Variants in MYCBPAP observed in about 807,000 individuals in gnomAD.
The protein encoded by MYCBPAP is MYCBP associated protein, also known as MYCBP-associated protein.
In MYCBPAP, 60 loss-of-function variants were observed where a neutral mutation model predicts 106.1. The observed-to-expected ratio is 0.57, with a 90% CI of 0.46 to 0.70. The LOEUF (loss-of-function observed/expected upper bound fraction) is 0.70, where lower values mean the gene tolerates loss of function less well. MYCBPAP is among the 30% of genes least tolerant of loss of function. The pLI is 0.00. For synonymous variants in MYCBPAP, 407 were observed against 440.6 expected (o/e 0.92, Z 0.95); for missense variants, 1,064 against 1,169.3 (o/e 0.91, Z 1.31).
chr17:50,520,947 G>GTCTT, intron 7 of MYCBPAP, 163 bp from the exon 8 acceptor site: 1 of 602,608 alleles, frequency 1.7e-6, no homozygotes, highest in South Asian at 2.0e-5. Context: ...CTGCTGAGGA[G>GTCTT]GTATAGGACA....
At chr17:50,526,783 A>G (rs1597846861) in intron 14 of MYCBPAP, among the ~76,000 whole-genome samples, 3 of 152,184 alleles carry the variant, frequency 2.0e-5, no homozygotes, top group Admixed American at 1.3e-4. Flanking sequence ...GGGTTTCGCT[A>G]TGTTGGCCAG....
At chr17:50,526,811 G>A (rs946813497) in intron 14 of MYCBPAP, among the ~76,000 whole-genome samples, 5 of 152,218 alleles carry the variant, frequency 3.3e-5, no homozygotes, top group African/African-American at 1.2e-4. Context: ...TCAAACTCCT[G>A]ACCTCGTGAT....
intron 4 of MYCBPAP, among the ~76,000 whole-genome samples, chr17:50,518,126 A>T (rs2034119695): frequency 6.6e-6 from 1 of 152,180 alleles, no homozygotes; most frequent in Admixed American, 6.5e-5. Context: ...AAGATTCTGT[A>T]TCTTTCCAGC....
At chr17:50,508,894 G>T in intron 1 of MYCBPAP, 144 bp downstream of exon 1, 1 of 801,522 alleles carries the variant, frequency 1.2e-6, no homozygotes, top group Non-Finnish European at 2.1e-6. Flanking sequence ...CTGGGCATAG[G>T]ACCCTTAGGG....
chr17:50,529,255 C>T lies in MYCBPAP; in HGVS notation c.2724+67C>T, dbSNP rs115128292. On this transcript the variant is annotated intron_variant, in intron 18 of 18. Transcript: ENST00000323776. ...TGCCTTATTCATTCCGTTCAGTCTG[C>T]AGACAATAAGTGCCCACTCCATCAT... The T allele has an allele frequency of 3.0e-4, 433 of 1,460,960 alleles. 4 individuals are homozygous for T. In the African/African-American group the frequency reaches 5.4e-3, roughly 18 times the overall value. 90.5% of individuals were successfully genotyped at this position (1,460,960 alleles called of 1,614,324 possible).
chr17:50,523,250 G>T, intron 11 of MYCBPAP, 122 bp downstream of exon 11: 1 of 980,574 alleles, frequency 1.0e-6, no homozygotes, highest in African/African-American at 1.6e-5. Context: ...TCCCTGCCTT[G>T]TCCCTCTCAT....
chr17:50,517,531 A>G, intron 3 of MYCBPAP, 64 bp from the exon 4 acceptor site: 1 of 1,613,530 alleles, frequency 6.2e-7, no homozygotes, highest in Non-Finnish European at 8.5e-7. Flanking sequence ...CTCCATCAGA[A>G]AGTTGCCCTC....
At position 50,524,939 on chromosome 17, in the gene MYCBPAP, G is replaced by A. The variant is rs778925154; in HGVS notation, c.1698G>A (p.Met566Ile). ...GCGAAGTGCTGCAGGAGCTGCTGAT[G>A]GGGGTCTTGACCCCGGAGCGCACAC... is the stretch of plus-strand genomic sequence containing the variant. Reference protein sequence around the residue: ...VVREVLQELLMGVLTPERTPS... With the variant: ...VVREVLQELLIGVLTPERTPS... Residue 566 changes from methionine to isoleucine, a missense_variant, in exon 13 of 19, where the codon ATG becomes ATA. Physicochemically the swap from Met to Ile is conservative, Grantham distance 10. Transcript: ENST00000323776. 5.6e-6 allele frequency: 9 copies of A among 1,614,030 alleles called. No homozygotes were observed. The highest frequency in any genetic ancestry group is 7.6e-6 in the Non-Finnish European group (9 of 1,180,006).
intron 1 of MYCBPAP, 189 bp downstream of exon 1, chr17:50,508,939 T>G: frequency 1.4e-6 from 1 of 713,210 alleles, no homozygotes; most frequent in Non-Finnish European, 2.5e-6. Context: ...TACAGCGCAC[T>G]GGGCCTTGGG....
Position 50,509,317 on chromosome 17 carries a change from A to G in MYCBPAP, c.76+567A>G, listed in dbSNP as rs910422832. ...CCTACCACGTGCACTTTCCAGCTGGATGACACTTATCCAGCTCCTTTAGCC... is the reference window on the plus strand; with the variant it reads ...CCTACCACGTGCACTTTCCAGCTGGGTGACACTTATCCAGCTCCTTTAGCC... On this transcript the variant is annotated intron_variant, in intron 1 of 18. Transcript: ENST00000323776. The G allele has an allele frequency of 4.9e-6, 3 of 606,106 alleles. No homozygotes were observed. The African/African-American group carries it at 5.5e-5, about 11-fold the overall frequency. The allele number at this position is 606,106 out of a possible 1,614,324, so 37.5% of individuals were successfully genotyped here. A position where few individuals can be genotyped will look rare whatever the true frequency, so the allele number is the denominator to read the frequency against.
At chr17:50,517,171 A>G in intron 2 of MYCBPAP, 122 bp from the exon 3 acceptor site, 3 of 871,690 alleles carry the variant, frequency 3.4e-6, no homozygotes, top group Non-Finnish European at 5.7e-6. Context: ...ATATGGACAG[A>G]GCTGAAGAAA....
chr17:50,530,452 G>A (rs117544425), intron 18 of MYCBPAP: 8,312 of 150,740 alleles, frequency 0.055, 318 homozygotes, highest in African/African-American at 0.11. Context: ...CCGAGATCAC[G>A]CCATTTCACT....
intron 1 of MYCBPAP, chr17:50,510,566 C>T (rs1392178840): frequency 7.0e-6 from 1 of 143,724 alleles, no homozygotes; most frequent in Non-Finnish European, 1.5e-5. Flanking sequence ...CGCTCTGTCA[C>T]CCGGGATGGA....
rs1285173528 is a variant in MYCBPAP at position 50,531,152 on chromosome 17, A to AG, written c.2725-175_2725-174insG. Reference sequence around the variant, plus strand: ...GGGTGACAGAGTGAGATCCTGTCAAAAAAAAAAAAAATCTGCAAAACCAAA... The same window carrying AG: ...GGGTGACAGAGTGAGATCCTGTCAAAGAAAAAAAAAAATCTGCAAAACCAAA... On this transcript the variant is annotated intron_variant, in intron 18 of 18. Transcript: ENST00000323776. 2.0e-5 allele frequency among the ~76,000 whole-genome samples: 3 copies of AG among 151,524 alleles called. No homozygotes were observed. The East Asian group carries it at 5.8e-4, about 29-fold the overall frequency.
At chr17:50,517,230 A>T in intron 2 of MYCBPAP, 63 bp from the exon 3 acceptor site, 8 of 1,469,628 alleles carry the variant, frequency 5.4e-6, no homozygotes, top group African/African-American at 2.8e-5. Context: ...AACAGAAGAG[A>T]TGGGTGGTGC....
intron 15 of MYCBPAP, among the ~76,000 whole-genome samples, chr17:50,527,696 A>AG (rs2034505727): frequency 3.3e-5 from 5 of 152,158 alleles, no homozygotes; most frequent in Admixed American, 1.3e-4. Context: ...CAGGAAGAAG[A>AG]CGGGGGGCAG....
In MYCBPAP at chr17:50,531,390, A is replaced by G. The variant is rs2034640407; in HGVS notation, c.2788A>G (p.Ile930Val). 6.2e-7 allele frequency: 1 copy of G among 1,613,448 alleles called. No individual in the cohort carries two copies. The highest frequency in any genetic ancestry group is 1.1e-5 in the South Asian group (1 of 90,900). ...GGTCCTGGCTGATGAGCTCAGCCCC[A>G]TAAAGAATGTCGAGGAGGCTTTGCG... ...LMVLADELSP[I>V]KNVEEALRLC... The change falls in exon 19 of 19, where the codon ATA (isoleucine) becomes GTA (valine). Residue 930 changes from isoleucine (I) to valine (V), a missense_variant. Physicochemically the swap from Ile to Val is conservative, Grantham distance 29. Transcript: ENST00000323776.
In MYCBPAP at chr17:50,521,034, T is replaced by C. The variant is rs2034238302; in HGVS notation, c.917-76T>C. On this transcript the variant is annotated intron_variant, in intron 7 of 18. Transcript: ENST00000323776. Reference sequence around the variant, plus strand: ...AGAAATGGTGTTGGGATAGGCACTCTCAGAGCCCTTGAGAAGTGGGTGAGC... The same window carrying C: ...AGAAATGGTGTTGGGATAGGCACTCCCAGAGCCCTTGAGAAGTGGGTGAGC... 4 of 1,201,338 alleles carry C rather than the reference T, an allele frequency of 3.3e-6. No individual in the cohort carries two copies. The South Asian group carries it at 5.2e-5, about 16-fold the overall frequency. The allele number at this position is 1,201,338 out of a possible 1,614,324, so 74.4% of individuals were successfully genotyped here. A position where few individuals can be genotyped will look rare whatever the true frequency, so the allele number is the denominator to read the frequency against.
chr17:50,530,008 T>G (rs2034583398), intron 18 of MYCBPAP: 1 of 374,672 alleles, frequency 2.7e-6, no homozygotes, highest in African/African-American at 2.1e-5. Flanking sequence ...TCCTCTAATG[T>G]GGATAGCTGG....
Sources: allele counts gnomAD v4.1 joint callset (sites outside exome capture counted in the v4.1 genomes callset), GRCh38; gene constraint gnomAD v4.1.1; transcripts MANE v1.5; gene names NCBI Gene and HGNC (gene_info 2026-07-23, HGNC 2026-07-21).